Variants in LGI4 observed in about 807,000 individuals in gnomAD.
LGI4 encodes leucine-rich repeat LGI family member 4.
A neutral mutation model predicts 48.3 loss-of-function variants in LGI4; 36 were observed. The ratio of observed to expected loss-of-function variants is 0.75; its 90% CI spans 0.57 to 0.98. LGI4 has a LOEUF of 0.98. Ranked by LOEUF, LGI4 falls within the 50% of genes least tolerant of loss-of-function variation. The probability of loss-of-function intolerance (pLI) is 0.00; values close to 1 mark genes in which losing one functional copy is unlikely to be tolerated. For missense variants in LGI4, 701 were observed against 732.1 expected (o/e 0.96, Z 0.49); for synonymous variants, 355 against 331.6 (o/e 1.07, Z -0.77).
Position 35,134,513 on chromosome 19 carries a change from T to G in LGI4, c.168A>C (p.Ser56=). The G allele has an allele frequency of 4.4e-6, 7 of 1,578,046 alleles. No homozygotes were observed. The highest frequency in any genetic ancestry group is 6.0e-6 in the Non-Finnish European group (7 of 1,162,086). Residue 56 remains serine, a splice_region_variant and synonymous_variant, in exon 1 of 9, where the codon TCA becomes TCC. Coordinates refer to ENST00000310123, the MANE Select transcript of LGI4 (RefSeq NM_139284.3). ...LPVSFSPTLL[S]LSLVRTGVTQ... ...CATGCAGAAGGCTGGACACTCACAG[T>G]GACAGCAGGGTCGGAGAGAAGCTGA...
rs1184063861 is a variant in LGI4 at position 35,131,476 on chromosome 19, C to T, written c.538G>A (p.Val180Met). The change falls in exon 6 of 9, where the codon GTG (valine) becomes ATG (methionine). Residue 180 changes from valine (V) to methionine (M), a missense_variant. This residue lies in a region of LGI4 where 462 missense variants were observed against 436.4 expected (regional missense o/e 1.06). Transcript: ENST00000310123. ...GGGCCCGCACAGGCGCCGGTCCCCA[C>T]GCTGGCATTCACGGTGGGCATCCAC... ...LQWMPTVNAS[V>M]GTGACAGPAS... 1.0e-5 allele frequency: 16 copies of T among 1,551,230 alleles called. No individual in the cohort carries two copies. Among genetic ancestry groups the T allele is most frequent in the South Asian group, 3.6e-5 (3 of 84,066 alleles).
At chr19:35,125,744 T>C (rs1657254196) in intron 8 of LGI4, 1 of 688,396 alleles carries the variant, frequency 1.5e-6, no homozygotes. Context: ...TCTACAGTTG[T>C]ACATTTCTCC....
At position 35,126,424 on chromosome 19, in the gene LGI4, G is replaced by A. The variant is rs2065137812; in HGVS notation, c.1145C>T (p.Ser382Leu). 2.5e-6 allele frequency: 4 copies of A among 1,604,432 alleles called. No homozygotes were observed. The highest frequency in any genetic ancestry group is 1.3e-5 in the African/African-American group (1 of 74,880). ...LDGRPHLLLA[S>L]ASQRPVLFHW... ...GAAGAGCACGGGCCGCTGGGAAGCC[G>A]AGGCCAGCAGCAGGTGGGGCCGGCC... The change falls in exon 8 of 9, where the codon TCG (serine) becomes TTG (leucine). Residue 382 changes from serine to leucine, a missense_variant. Around this residue, in one of 3 missense-constraint regions of LGI4, gnomAD observed 223 missense variants for 263.3 expected, o/e 0.85. Transcript: ENST00000310123.
At chr19:35,134,150 C>T in intron 1 of LGI4, 46 bp from the exon 2 acceptor site, 1 of 1,512,070 alleles carries the variant, frequency 6.6e-7, no homozygotes, top group Non-Finnish European at 9.0e-7. Context: ...CACAGCAATA[C>T]TCCAGTTGCA....
chr19:35,125,224 T>C lies in LGI4; in HGVS notation c.1583A>G (p.Tyr528Cys). ...ACTGAGGTCGATCTCGTGATGCTGGTAGATCTGTGTGGGGCCCTTAAAGCA... is the reference window on the plus strand; with the variant it reads ...ACTGAGGTCGATCTCGTGATGCTGGCAGATCTGTGTGGGGCCCTTAAAGCA... ...AACFKGPTQI[Y>C]QHHEIDLSA The change falls in exon 9 of 9, where the codon TAC becomes TGC. Residue 528 changes from tyrosine (Y) to cysteine (C), a missense_variant. Tyr to Cys is a radical substitution (Grantham distance 194, BLOSUM62 -2). Around this residue, in one of 3 missense-constraint regions of LGI4, gnomAD observed 223 missense variants for 263.3 expected, o/e 0.85. Coordinates refer to ENST00000310123, the MANE Select transcript of LGI4 (RefSeq NM_139284.3). 1 of 1,552,552 alleles carries C rather than the reference T, an allele frequency of 6.4e-7. No individual in the cohort carries two copies. The highest frequency in any genetic ancestry group is 2.0e-5 in the Admixed American group (1 of 50,836).
chr19:35,126,073 G>A (rs987400020), intron 8 of LGI4, 197 bp downstream of exon 8: 39 of 624,152 alleles, frequency 6.2e-5, no homozygotes, highest in Non-Finnish European at 1.0e-4. Flanking sequence ...AGGATGTTGG[G>A]GCCAGCATCA....
chr19:35,127,851 T>C (rs985934388), intron 6 of LGI4, among the ~76,000 whole-genome samples: 1 of 152,222 alleles, frequency 6.6e-6, no homozygotes, highest in African/African-American at 2.4e-5. Context: ...CAGTCTGTTA[T>C]CCAACAAAAT....
intron 6 of LGI4, among the ~76,000 whole-genome samples, chr19:35,129,713 A>T (rs2065162329): frequency 6.6e-6 from 1 of 152,204 alleles, no homozygotes; most frequent in Non-Finnish European, 1.5e-5. Context: ...GCACTGAGAC[A>T]GCCTAAGATA....
rs765046686 is a variant in LGI4, at chr19:35,126,750, T to C, written c.819A>G (p.Pro273=). 9 of 1,542,788 alleles carry C rather than the reference T, an allele frequency of 5.8e-6. No homozygotes were observed. In the South Asian group the frequency reaches 9.5e-5, roughly 16 times the overall value. The change falls in exon 8 of 9, where the codon CCA becomes CCG. Residue 273 remains proline, a synonymous_variant. Coordinates refer to ENST00000310123, the MANE Select transcript of LGI4 (RefSeq NM_139284.3). ...CGAAGAGGCTCGGGCCCAGCACCAG[T>C]GGCTTGCAGGACACCACGGAGGCCG... is the stretch of plus-strand genomic sequence containing the variant. ...LPAASVVSCK[P]LVLGPSLFVL...
At chr19:35,125,634 C>T in intron 8 of LGI4, 127 bp from the exon 9 acceptor site, 1 of 848,446 alleles carries the variant, frequency 1.2e-6, no homozygotes, top group Non-Finnish European at 1.9e-6. Context: ...AAAGTCACCA[C>T]CCACCTGTTC....
At chr19:35,128,050 G>A (rs1023555452) in intron 6 of LGI4, among the ~76,000 whole-genome samples, 1 of 152,242 alleles carries the variant, frequency 6.6e-6, no homozygotes, top group African/African-American at 2.4e-5. Flanking sequence ...CCTGGAAACA[G>A]CTTGTCCCAA....
rs576909196 is a variant in LGI4, at chr19:35,125,109, C to G, written c.*84G>C. On this transcript the variant is annotated 3_prime_UTR_variant, in exon 9 of 9. Coordinates refer to ENST00000310123, the MANE Select transcript of LGI4 (RefSeq NM_139284.3). Reference sequence around the variant, plus strand: ...TGGCCCACGGTCAGCAGCTCACAGGCGGGCCATCACCCCAAGTAGGGCCAG... The same window carrying G: ...TGGCCCACGGTCAGCAGCTCACAGGGGGGCCATCACCCCAAGTAGGGCCAG... 8.2e-7 allele frequency: 1 copy of G among 1,213,890 alleles called. No homozygotes were observed. The highest frequency in any genetic ancestry group is 1.1e-6 in the Non-Finnish European group (1 of 881,222). The allele number at this position is 1,213,890 out of a possible 1,614,324, so 75.2% of individuals were successfully genotyped here. A position where few individuals can be genotyped will look rare whatever the true frequency, so the allele number is the denominator to read the frequency against.
intron 6 of LGI4, among the ~76,000 whole-genome samples, chr19:35,128,895 G>C (rs575365101): frequency 3.3e-5 from 5 of 152,140 alleles, no homozygotes; most frequent in Non-Finnish European, 7.4e-5. Context: ...CCACCGGCCA[G>C]GCTGTTCCCT....
chr19:35,126,012 T>C, intron 8 of LGI4: 7 of 577,838 alleles, frequency 1.2e-5, no homozygotes, highest in Non-Finnish European at 1.9e-5. Flanking sequence ...GTGGCTGTGG[T>C]GAAGTCTGGA....
chr19:35,132,370 C>T (rs2145368025), intron 3 of LGI4, among the ~76,000 whole-genome samples: 1 of 152,136 alleles, frequency 6.6e-6, no homozygotes, highest in Admixed American at 6.5e-5. Flanking sequence ...CCCCAACACC[C>T]ATGTCTTTAT....
Position 35,131,561 on chromosome 19 carries a change from G to T in LGI4, c.459-6C>A. 6.5e-7 allele frequency: 1 copy of T among 1,549,496 alleles called. No homozygotes were observed. Among genetic ancestry groups the T allele is most frequent in the African/African-American group, 1.4e-5 (1 of 73,118 alleles). Reference sequence around the variant, plus strand: ...ACGGGTTCCCGCGGAGGTCCCTGGGGCAAGAGGCCAGGGAGGGGCTGCGAC... The same window carrying T: ...ACGGGTTCCCGCGGAGGTCCCTGGGTCAAGAGGCCAGGGAGGGGCTGCGAC... On this transcript the variant is annotated splice_region_variant and splice_polypyrimidine_tract_variant and intron_variant, in intron 5 of 8. Coordinates refer to ENST00000310123, the MANE Select transcript of LGI4 (RefSeq NM_139284.3).
At position 35,134,745 on chromosome 19, in the gene LGI4, G is replaced by A. The variant is rs992044543; in HGVS notation, c.-65C>T. Reference sequence around the variant, plus strand: ...CACCCAGCTCAGCCCAGGCCACTACGTCTCCTCCTCCACCAGGCCGCCCTC... The same window carrying A: ...CACCCAGCTCAGCCCAGGCCACTACATCTCCTCCTCCACCAGGCCGCCCTC... On this transcript the variant is annotated 5_prime_UTR_variant, in exon 1 of 9. It adds an upstream start codon to the 5' untranslated region. Coordinates refer to ENST00000310123, the MANE Select transcript of LGI4 (RefSeq NM_139284.3). 12 of 848,928 alleles carry A rather than the reference G, an allele frequency of 1.4e-5. No homozygotes were observed. Among genetic ancestry groups the A allele is most frequent in the Middle Eastern group, 3.6e-4 (1 of 2,756 alleles). 52.6% of individuals were successfully genotyped at this position (848,928 alleles called of 1,614,324 possible). A position where few individuals can be genotyped will look rare whatever the true frequency, so the allele number is the denominator to read the frequency against.
At chr19:35,126,148 GT>G in intron 8 of LGI4, 121 bp downstream of exon 8, 1 of 1,106,574 alleles carries the variant, frequency 9.0e-7, no homozygotes, top group Non-Finnish European at 1.3e-6. Context: ...CTTGGCATCA[GT>G]GTGGGGTGGG....
chr19:35,125,540 C>G (rs1320027328), intron 8 of LGI4, 33 bp from the exon 9 acceptor site: 4 of 1,493,822 alleles, frequency 2.7e-6, no homozygotes, highest in Admixed American at 2.3e-5. Context: ...GGCCTGGGGT[C>G]CCGGGGGTCT....
Sources: gnomAD v4.1 joint callset for allele counts (sites outside exome capture counted in the v4.1 genomes callset) on GRCh38, gnomAD v4.1.1 for gene constraint, gnomAD v4.1.1 regional missense constraint, MANE v1.5 for transcripts, NCBI Gene and HGNC (gene_info 2026-07-23, HGNC 2026-07-21) for gene names.